The following MEIS2 variants were observed in gnomAD, a reference collection of about 807,000 sequenced individuals.
MEIS2 encodes the protein homeobox protein Meis2.
A neutral mutation model predicts 58.6 loss-of-function variants in MEIS2; 9 were observed. That is an observed-to-expected ratio of 0.15 (90% CI 0.09 to 0.27). The LOEUF (loss-of-function observed/expected upper bound fraction) is 0.27. Among genes scored for constraint, MEIS2 ranks in the 10% least tolerant of loss-of-function variants. MEIS2 has a pLI of 1.00. For missense variants in MEIS2, 427 were observed against 635.0 expected, an observed-to-expected ratio of 0.67 and a Z score of 3.52; for synonymous variants, 221 against 228.4, an observed-to-expected ratio of 0.97 and a Z score of 0.29.
chr15:36,892,288 A>T lies in MEIS2; in HGVS notation c.1319T>A (p.Met440Lys). 6.2e-7 allele frequency: 1 copy of T among 1,613,944 alleles called. No homozygotes were observed. Among genetic ancestry groups the T allele is most frequent in the Non-Finnish European group, 8.5e-7 (1 of 1,179,958 alleles). Residue 440 changes from methionine to lysine, a missense_variant, in exon 12 of 12, where the codon ATG (methionine) becomes AAG (lysine). By Grantham distance (95) the Met-to-Lys change is moderately conservative. Transcript: ENST00000561208. Reference sequence around the variant, plus strand: ...AGGGTGGGTAGGGGGTCCTCCGTGCATCATCATGGCTGGGTGGTGGGGATG... The same window carrying T: ...AGGGTGGGTAGGGGGTCCTCCGTGCTTCATCATGGCTGGGTGGTGGGGATG... ...PSHPHHPAMM[M>K]HGGPPTHPGM...
intron 7 of MEIS2, among the ~76,000 whole-genome samples, chr15:37,062,064 G>T (rs1889290020): frequency 6.6e-6 from 1 of 152,158 alleles, no homozygotes; most frequent in African/African-American, 2.4e-5. Context: ...CCTACTAAAG[G>T]TTTTCACGCT....
intron 8 of MEIS2, among the ~76,000 whole-genome samples, chr15:36,995,985 A>C (rs1408216314): frequency 9.7e-6 from 1 of 102,674 alleles, no homozygotes; most frequent in African/African-American, 4.9e-5. Flanking sequence ...ATATATATAT[A>C]TATATATATA....
chr15:36,992,577 T>C (rs12903716), intron 8 of MEIS2, among the ~76,000 whole-genome samples: 122,137 of 152,018 alleles, frequency 0.8, 50,381 homozygotes, highest in Non-Finnish European at 0.91. Flanking sequence ...TTCATAGATA[T>C]ATTTGGGAAA....
At chr15:37,082,033 C>A (rs1255120964) in intron 7 of MEIS2, among the ~76,000 whole-genome samples, 1 of 152,172 alleles carries the variant, frequency 6.6e-6, no homozygotes, top group Non-Finnish European at 1.5e-5. Context: ...CCCTTTCTTG[C>A]TATCTCCCTT....
chr15:37,037,539 GA>G lies in MEIS2; in HGVS notation c.755-581del, dbSNP rs34348481. On this transcript the variant is annotated intron_variant, in intron 7 of 11. Coordinates refer to ENST00000561208, the MANE Select transcript of MEIS2 (RefSeq NM_170675.5). ...TCTCTGCACCACTGATCATTATCAT[GA>G]AAAAAAAAAAGATACACATCAAGGT... 4.9e-3 allele frequency among the ~76,000 whole-genome samples: 720 copies of G among 146,738 alleles called. 5 individuals are homozygous for G. Among genetic ancestry groups the G allele is most frequent in the African/African-American group, 0.014 (557 of 40,118 alleles).
intron 8 of MEIS2, among the ~76,000 whole-genome samples, chr15:37,009,088 G>A (rs1381472976): frequency 6.6e-6 from 1 of 152,104 alleles, no homozygotes; most frequent in Non-Finnish European, 1.5e-5. Flanking sequence ...AGGAGATAGA[G>A]ACCATCCTGG....
At chr15:37,063,225 C>G (rs1490061215) in intron 7 of MEIS2, among the ~76,000 whole-genome samples, 1 of 152,154 alleles carries the variant, frequency 6.6e-6, no homozygotes, top group African/African-American at 2.4e-5. Context: ...GAGATAAGGT[C>G]TCACTATGTT....
chr15:36,908,697 T>G (rs1027405796), intron 9 of MEIS2, among the ~76,000 whole-genome samples: 1 of 152,148 alleles, frequency 6.6e-6, no homozygotes, highest in Admixed American at 6.5e-5. Flanking sequence ...GGCTCACACC[T>G]GTAATCCCAG....
chr15:37,073,855 A>G (rs1891026754), intron 7 of MEIS2, among the ~76,000 whole-genome samples: 1 of 152,090 alleles, frequency 6.6e-6, no homozygotes, highest in African/African-American at 2.4e-5. Flanking sequence ...CAAGAGTCAT[A>G]TCTCCAGCTG....
intron 7 of MEIS2, among the ~76,000 whole-genome samples, chr15:37,072,633 T>C (rs1468994572): frequency 6.6e-6 from 1 of 152,168 alleles, no homozygotes; most frequent in African/African-American, 2.4e-5. Context: ...CCCTACTTTT[T>C]CCATTTGGAA....
At chr15:36,903,468 T>C (rs1271125503) in intron 9 of MEIS2, among the ~76,000 whole-genome samples, 1 of 152,214 alleles carries the variant, frequency 6.6e-6, no homozygotes, top group Non-Finnish European at 1.5e-5. Context: ...GAAACTGAAT[T>C]ACTTTGAAAC....
At chr15:37,062,715 T>C (rs1166486123) in intron 7 of MEIS2, among the ~76,000 whole-genome samples, 1 of 152,212 alleles carries the variant, frequency 6.6e-6, no homozygotes, top group African/African-American at 2.4e-5. Flanking sequence ...AATTTACATA[T>C]AAGGACCCCT....
intron 8 of MEIS2, among the ~76,000 whole-genome samples, chr15:36,965,109 A>G (rs567073931): frequency 6.6e-6 from 1 of 152,308 alleles, no homozygotes; most frequent in South Asian, 2.1e-4. Context: ...TCGAGTTCTC[A>G]ATTTCTTTCC....
At chr15:36,981,954 A>T (rs1347445028) in intron 8 of MEIS2, among the ~76,000 whole-genome samples, 1 of 152,030 alleles carries the variant, frequency 6.6e-6, no homozygotes, top group African/African-American at 2.4e-5. Flanking sequence ...AAAACCCCCA[A>T]GTTCCAGTTC....
chr15:37,000,645 C>T (rs1022340506), intron 8 of MEIS2, among the ~76,000 whole-genome samples: 6 of 152,138 alleles, frequency 3.9e-5, no homozygotes, highest in Non-Finnish European at 7.3e-5. Context: ...GTTGCCAAGG[C>T]TATTCTTCCT....
intron 7 of MEIS2, among the ~76,000 whole-genome samples, chr15:37,037,770 A>G (rs2062225211): frequency 3.3e-5 from 5 of 152,200 alleles, no homozygotes. Context: ...GCATTGCAGG[A>G]CCCCTACTTT....
intron 9 of MEIS2, among the ~76,000 whole-genome samples, chr15:36,940,204 T>TA (rs1383228869): frequency 6.6e-6 from 1 of 152,182 alleles, no homozygotes; most frequent in Non-Finnish European, 1.5e-5. Flanking sequence ...GAGCCTAATG[T>TA]AACCTAGCAA....
At chr15:37,015,964 A>C (rs2061336969) in intron 8 of MEIS2, among the ~76,000 whole-genome samples, 4 of 152,098 alleles carry the variant, frequency 2.6e-5, no homozygotes, top group Middle Eastern at 6.8e-3. Flanking sequence ...GAAATCACAC[A>C]CTCCCACAGC....
At chr15:36,953,449 C>T (rs1048955341) in intron 8 of MEIS2, among the ~76,000 whole-genome samples, 1 of 152,174 alleles carries the variant, frequency 6.6e-6, no homozygotes, top group African/African-American at 2.4e-5. Flanking sequence ...TTTCCATATT[C>T]TTGGACTAAA....
Sources: gnomAD v4.1 joint callset for allele counts (sites outside exome capture counted in the v4.1 genomes callset) on GRCh38, gnomAD v4.1.1 for gene constraint, MANE v1.5 for transcripts, NCBI Gene and HGNC (gene_info 2026-07-23, HGNC 2026-07-21) for gene names.